The following USP6NL variants were observed in gnomAD, a reference collection of about 807,000 sequenced individuals.
The protein encoded by USP6NL is USP6 N-terminal like.
USP6NL carries 26 observed loss-of-function variants against 61.9 expected under a neutral mutation model. The ratio of observed to expected loss-of-function variants is 0.42; its 90% CI spans 0.31 to 0.58. The LOEUF (loss-of-function observed/expected upper bound fraction) is 0.58, where lower values mean the gene tolerates loss of function less well. Among genes scored for constraint, USP6NL ranks in the 20% least tolerant of loss-of-function variants. The probability of loss-of-function intolerance (pLI) is 0.16; values close to 1 mark genes in which losing one functional copy is unlikely to be tolerated. For missense variants in USP6NL, 1,114 were observed against 1,034.3 expected, an observed-to-expected ratio of 1.08 and a Z score of -1.06; for synonymous variants, 432 against 390.1, an observed-to-expected ratio of 1.11 and a Z score of -1.27.
chr10:11,487,027 T>G lies in USP6NL; in HGVS notation c.665-1116A>C, dbSNP rs1269358505. 6.6e-6 allele frequency among the ~76,000 whole-genome samples: 1 copy of G among 152,122 alleles called. No homozygotes were observed. The highest frequency in any genetic ancestry group is 6.5e-5 in the Admixed American group (1 of 15,278). The stretch of plus-strand genomic sequence containing the variant: ...AATTCTATTTCTCCTTTAGTAATAT[T>G]TTTCAGTGAAATTGTTTCATTAAAA... On this transcript the variant is annotated intron_variant, in intron 10 of 14. Transcript: ENST00000609104. The surrounding 1 kb of genome is among the most constrained non-coding windows in gnomAD (Gnocchi z 4.2).
intron 2 of USP6NL, among the ~76,000 whole-genome samples, chr10:11,568,536 T>C (rs1000022601): frequency 5.9e-5 from 9 of 152,222 alleles, no homozygotes; most frequent in African/African-American, 2.2e-4. Flanking sequence ...CAAAGTACTT[T>C]GTAACAGTGT....
rs750151201 is a variant in USP6NL at position 11,462,901 on chromosome 10, G to T, written c.2027C>A (p.Ser676Tyr). Residue 676 changes from serine (S) to tyrosine (Y), a missense_variant, in exon 15 of 15, where the codon TCC becomes TAC. Coordinates refer to ENST00000609104, the MANE Select transcript of USP6NL (RefSeq NM_014688.5). ...AGATTTCTCCGGAGAAGCACTGACG[G>T]AAAGAGTAGAACCATGAGGTCTCCT... is the stretch of plus-strand genomic sequence containing the variant. ...PSRRPHGSTL[S>Y]VSASPEKSYS... 4 of 1,613,480 alleles carry T rather than the reference G, an allele frequency of 2.5e-6. No individual in the cohort carries two copies. Among genetic ancestry groups the T allele is most frequent in the Non-Finnish European group, 3.4e-6 (4 of 1,179,706 alleles).
In USP6NL at chr10:11,518,800, A is replaced by C. The variant is rs982282221; in HGVS notation, c.156-226T>G. 6.6e-6 allele frequency among the ~76,000 whole-genome samples: 1 copy of C among 152,236 alleles called. No individual in the cohort carries two copies. On this transcript the variant is annotated intron_variant, in intron 4 of 14. Transcript: ENST00000609104. The surrounding 1 kb of genome is among the most constrained non-coding windows in gnomAD (Gnocchi z 5.3). ...ACTGTCACCAGTAGCCACAAGCCAC[A>C]TTTATTAATAAAAAGCATCTAATTA...
intron 5 of USP6NL, among the ~76,000 whole-genome samples, chr10:11,517,025 T>C (rs537710634): frequency 6.6e-6 from 1 of 152,308 alleles, no homozygotes; most frequent in East Asian, 1.9e-4. Flanking sequence ...GAGGGGAATG[T>C]TGGAGAGAGA....
intron 6 of USP6NL, among the ~76,000 whole-genome samples, chr10:11,508,999 T>A (rs1263075100): frequency 6.6e-6 from 1 of 152,224 alleles, no homozygotes; most frequent in African/African-American, 2.4e-5. Flanking sequence ...GAGCTTGACA[T>A]CTTCTCACTG....
At chr10:11,526,185 T>C (rs1458091600) in intron 3 of USP6NL, among the ~76,000 whole-genome samples, 1 of 152,186 alleles carries the variant, frequency 6.6e-6, no homozygotes, top group Non-Finnish European at 1.5e-5. Flanking sequence ...CTCTTCTTAA[T>C]CTAGGTATCA....
At chr10:11,576,982 A>T (rs1425783966) in intron 2 of USP6NL, among the ~76,000 whole-genome samples, 1 of 152,152 alleles carries the variant, frequency 6.6e-6, no homozygotes, top group Non-Finnish European at 1.5e-5. Flanking sequence ...TTTCCTGTAC[A>T]AAAAACATGG....
At chr10:11,527,700 A>C (rs998510105) in intron 2 of USP6NL, 133 bp from the exon 3 acceptor site, 101 of 800,646 alleles carry the variant, frequency 1.3e-4, no homozygotes, top group Non-Finnish European at 1.9e-4. Flanking sequence ...ATCAAATAAA[A>C]GGATGAGTTA....
At chr10:11,479,646 G>A (rs1833115708) in intron 14 of USP6NL, among the ~76,000 whole-genome samples, 1 of 149,916 alleles carries the variant, frequency 6.7e-6, no homozygotes, top group Non-Finnish European at 1.5e-5. Context: ...CGCGATCTCA[G>A]CTCACTGAAA....
intron 2 of USP6NL, among the ~76,000 whole-genome samples, chr10:11,570,902 C>A (rs1837332775): frequency 6.6e-6 from 1 of 152,204 alleles, no homozygotes; most frequent in Admixed American, 6.5e-5. Context: ...TTTCCCTGGT[C>A]CACCAGGTTA....
intron 2 of USP6NL, among the ~76,000 whole-genome samples, chr10:11,534,761 C>T (rs1035687353): frequency 1.3e-5 from 2 of 152,222 alleles, no homozygotes; most frequent in African/African-American, 4.8e-5. Context: ...CTTCCCTACA[C>T]ACCTCATCAT....
rs1028877460 is a variant in USP6NL at position 11,476,185 on chromosome 10, C to A, written c.1078+5585G>T. On this transcript the variant is annotated intron_variant, in intron 14 of 14. Coordinates refer to ENST00000609104, the MANE Select transcript of USP6NL (RefSeq NM_014688.5). The surrounding 1 kb of genome is among the most constrained non-coding windows in gnomAD (Gnocchi z 4.3). ...CTGGTGAGAAAAACAGCTTAACAGGCAGCCTAAGGGACAACTGGAAATCTT... is the reference window on the plus strand; with the variant it reads ...CTGGTGAGAAAAACAGCTTAACAGGAAGCCTAAGGGACAACTGGAAATCTT... Among the ~76,000 whole-genome samples the A allele has an allele frequency of 6.6e-6, 1 of 152,186 alleles. No homozygotes were observed. Among genetic ancestry groups the A allele is most frequent in the Non-Finnish European group, 1.5e-5 (1 of 68,038 alleles).
intron 2 of USP6NL, among the ~76,000 whole-genome samples, chr10:11,568,493 T>G (rs2133561444): frequency 6.6e-6 from 1 of 152,362 alleles, no homozygotes; most frequent in South Asian, 2.1e-4. Flanking sequence ...TATATGCTAC[T>G]TCTAAATACG....
At chr10:11,508,385 G>A (rs577691863) in intron 6 of USP6NL, among the ~76,000 whole-genome samples, 5 of 152,198 alleles carry the variant, frequency 3.3e-5, no homozygotes, top group South Asian at 2.1e-4. Context: ...TCAAAATATG[G>A]CCCATGAAAC....
intron 2 of USP6NL, chr10:11,564,843 G>A (rs1345363939): frequency 6.6e-6 from 1 of 152,210 alleles, no homozygotes; most frequent in African/African-American, 2.4e-5. Flanking sequence ...TTATATTGCT[G>A]ATTTCATAAT....
At position 11,478,066 on chromosome 10, in the gene USP6NL, C is replaced by A. The variant is rs545192229; in HGVS notation, c.1078+3704G>T. On this transcript the variant is annotated intron_variant, in intron 14 of 14. Coordinates refer to ENST00000609104, the MANE Select transcript of USP6NL (RefSeq NM_014688.5). The surrounding 1 kb of genome is among the most constrained non-coding windows in gnomAD (Gnocchi z 6.8). ...GATAACTGATCAAATATATTGGCTA[C>A]AAAAATATTATTAAAAGGATACCAA... 6.6e-6 allele frequency among the ~76,000 whole-genome samples: 1 copy of A among 152,070 alleles called. No individual in the cohort carries two copies. The highest frequency in any genetic ancestry group is 1.5e-5 in the Non-Finnish European group (1 of 67,996).
At chr10:11,590,598 G>A in intron 2 of USP6NL, among the ~76,000 whole-genome samples, 1 of 152,022 alleles carries the variant, frequency 6.6e-6, no homozygotes. Context: ...TCCAGTTTTG[G>A]AGAAGTTAAT....
chr10:11,482,625 C>A lies in USP6NL; in HGVS notation c.926-703G>T, dbSNP rs1833247010. The stretch of plus-strand genomic sequence containing the variant: ...TCACTAATGTATCACTGATATCTCT[C>A]ATTTCAACAAATATGATGTGTACTA... On this transcript the variant is annotated intron_variant, in intron 13 of 14. Transcript: ENST00000609104. This position sits in a 1 kb window ranked among gnomAD's most constrained non-coding sequence, Gnocchi z 4.0. 6.6e-6 allele frequency among the ~76,000 whole-genome samples: 1 copy of A among 152,156 alleles called. No individual in the cohort carries two copies. The highest frequency in any genetic ancestry group is 2.1e-4 in the South Asian group (1 of 4,832).
rs1397621439 is a variant in USP6NL at position 11,482,549 on chromosome 10, G to A, written c.926-627C>T. Among the ~76,000 whole-genome samples the A allele has an allele frequency of 6.6e-6, 1 of 152,140 alleles. No homozygotes were observed. Among genetic ancestry groups the A allele is most frequent in the African/African-American group, 2.4e-5 (1 of 41,444 alleles). Reference sequence around the variant, plus strand: ...CAAGTGTTTATGTATATCAATTGAAGAATCCAAATTATACTTTTCAAGTTA... The same window carrying A: ...CAAGTGTTTATGTATATCAATTGAAAAATCCAAATTATACTTTTCAAGTTA... On this transcript the variant is annotated intron_variant, in intron 13 of 14. Transcript: ENST00000609104. The surrounding 1 kb of genome is among the most constrained non-coding windows in gnomAD (Gnocchi z 4.0).
Sources: allele counts gnomAD v4.1 joint callset (sites outside exome capture counted in the v4.1 genomes callset), GRCh38; gene constraint gnomAD v4.1.1; non-coding constraint Gnocchi (gnomAD v3.1); transcripts MANE v1.5; gene names NCBI Gene and HGNC (gene_info 2026-07-23, HGNC 2026-07-21).